The following CSMD1 variants were observed in gnomAD, a reference collection of about 807,000 sequenced individuals.
The protein encoded by CSMD1 is CUB and sushi domain-containing protein 1.
A neutral mutation model predicts 417.5 loss-of-function variants in CSMD1; 213 were observed. The observed-to-expected ratio is 0.51, with a 90% confidence interval of 0.46 to 0.57. The LOEUF (loss-of-function observed/expected upper bound fraction) is 0.57, where lower values mean the gene tolerates loss of function less well. Among genes scored for constraint, CSMD1 ranks in the 20% least tolerant of loss-of-function variants. The probability of loss-of-function intolerance (pLI) is 0.00; values close to 1 mark genes in which losing one functional copy is unlikely to be tolerated. For synonymous variants in CSMD1, 2,862 were observed against 1,736.8 expected (o/e 1.65, Z -16.11); for missense variants, 6,923 against 4,529.7 (o/e 1.53, Z -15.17).
chr8:3,991,574 A>G (rs1479331365), intron 5 of CSMD1, among the ~76,000 whole-genome samples: 3 of 152,214 alleles, frequency 2.0e-5, no homozygotes, highest in African/African-American at 7.2e-5. Flanking sequence ...AGAAACACGT[A>G]AGAGTAGCTA....
intron 1 of CSMD1, among the ~76,000 whole-genome samples, chr8:4,704,838 G>A (rs1807816596): frequency 6.6e-6 from 1 of 152,124 alleles, no homozygotes; most frequent in South Asian, 2.1e-4. Context: ...GCATCTCTAT[G>A]CTGATGGGGC....
intron 10 of CSMD1, among the ~76,000 whole-genome samples, chr8:3,533,481 G>C (rs924955226): frequency 1.3e-5 from 2 of 152,242 alleles, no homozygotes; most frequent in Admixed American, 6.5e-5. Context: ...GAATCATGAA[G>C]TATTTGTCCT....
chr8:3,299,775 A>G (rs1804250366), intron 25 of CSMD1, among the ~76,000 whole-genome samples: 1 of 152,168 alleles, frequency 6.6e-6, no homozygotes, highest in Non-Finnish European at 1.5e-5. Flanking sequence ...AAAGGTATAA[A>G]CAGATATAAC....
intron 3 of CSMD1, among the ~76,000 whole-genome samples, chr8:4,056,418 TG>T (rs1382052298): frequency 4.6e-5 from 7 of 151,966 alleles, no homozygotes; most frequent in Admixed American, 3.9e-4. Flanking sequence ...CTTTTTTTTT[TG>T]TTTGTGCCAA....
At chr8:4,374,139 A>T (rs971469179) in intron 3 of CSMD1, among the ~76,000 whole-genome samples, 3 of 152,052 alleles carry the variant, frequency 2.0e-5, no homozygotes, top group Middle Eastern at 3.2e-3. Context: ...CATCAGCTGG[A>T]TAAGTACGTC....
At chr8:4,057,293 G>A (rs1427994166) in intron 3 of CSMD1, among the ~76,000 whole-genome samples, 1 of 152,176 alleles carries the variant, frequency 6.6e-6, no homozygotes. Flanking sequence ...GTGATGGTGA[G>A]CATTTTTTCA....
intron 7 of CSMD1, among the ~76,000 whole-genome samples, chr8:3,656,955 C>A (rs1793137935): frequency 6.6e-6 from 1 of 151,348 alleles, no homozygotes; most frequent in Non-Finnish European, 1.5e-5. Flanking sequence ...AAATCAGAGA[C>A]TCACTTTGCA....
chr8:3,284,131 C>G lies in CSMD1; in HGVS notation c.4153+13G>C. 1.9e-6 allele frequency: 3 copies of G among 1,549,718 alleles called. No homozygotes were observed. The highest frequency in any genetic ancestry group is 2.6e-6 in the Non-Finnish European group (3 of 1,144,272). On this transcript the variant is annotated intron_variant, in intron 26 of 69. Coordinates refer to ENST00000635120, the MANE Select transcript of CSMD1 (RefSeq NM_033225.6). Reference sequence around the variant, plus strand: ...GATATCAAGGTAAAGAAGAAGCACGCTGTGCCACCTACTGGAGAACTGGAT... The same window carrying G: ...GATATCAAGGTAAAGAAGAAGCACGGTGTGCCACCTACTGGAGAACTGGAT...
intron 5 of CSMD1, among the ~76,000 whole-genome samples, chr8:3,949,434 C>G (rs1811454866): frequency 1.3e-5 from 2 of 152,088 alleles, no homozygotes; most frequent in South Asian, 4.1e-4. Flanking sequence ...TATATAGAAG[C>G]TCTAACAATT....
At chr8:4,374,493 G>A (rs1802593001) in intron 3 of CSMD1, among the ~76,000 whole-genome samples, 4 of 152,128 alleles carry the variant, frequency 2.6e-5, no homozygotes, top group Admixed American at 2.6e-4. Context: ...ACTGGCAGGA[G>A]TGAGGAGAGA....
chr8:4,240,096 C>A (rs561099989), intron 3 of CSMD1, among the ~76,000 whole-genome samples: 1 of 152,266 alleles, frequency 6.6e-6, no homozygotes. Flanking sequence ...TTCTTAAATA[C>A]TAAACCAAAT....
intron 8 of CSMD1, among the ~76,000 whole-genome samples, chr8:3,595,623 G>C (rs914734238): frequency 6.6e-6 from 1 of 152,138 alleles, no homozygotes. Context: ...GCAACAGTAA[G>C]CTTGGAGTGA....
chr8:3,640,460 C>G (rs961609846), intron 7 of CSMD1, among the ~76,000 whole-genome samples: 1 of 152,178 alleles, frequency 6.6e-6, no homozygotes, highest in Admixed American at 6.5e-5. Context: ...TTCCTCAACT[C>G]TGGAAATAGT....
intron 2 of CSMD1, among the ~76,000 whole-genome samples, chr8:4,467,127 A>C (rs1800223685): frequency 6.7e-6 from 1 of 150,010 alleles, no homozygotes; most frequent in Admixed American, 6.6e-5. Flanking sequence ...CAGAGTAAAA[A>C]AAAAAAAAAA....
chr8:4,114,831 G>A (rs1349736963), intron 3 of CSMD1, among the ~76,000 whole-genome samples: 1 of 152,142 alleles, frequency 6.6e-6, no homozygotes, highest in Non-Finnish European at 1.5e-5. Context: ...TAGAAGGGGA[G>A]GCTGAAGACG....
At chr8:4,456,627 A>T (rs1799504771) in intron 2 of CSMD1, among the ~76,000 whole-genome samples, 2 of 152,242 alleles carry the variant, frequency 1.3e-5, no homozygotes, top group South Asian at 4.1e-4. Flanking sequence ...TATTAAACAT[A>T]TTTAATCATC....
chr8:4,280,314 G>C (rs764273778), intron 3 of CSMD1, among the ~76,000 whole-genome samples: 4 of 152,262 alleles, frequency 2.6e-5, no homozygotes, highest in Non-Finnish European at 4.4e-5. Flanking sequence ...CTTTGAAAGA[G>C]AGTGGATATG....
intron 7 of CSMD1, among the ~76,000 whole-genome samples, chr8:3,624,399 A>C (rs765401078): frequency 1.3e-5 from 2 of 152,228 alleles, no homozygotes; most frequent in Non-Finnish European, 2.9e-5. Flanking sequence ...TTAAACGTTG[A>C]TTTATATTTG....
At chr8:3,708,208 G>C (rs13250019) in intron 7 of CSMD1, among the ~76,000 whole-genome samples, 135,536 of 152,138 alleles carry the variant, frequency 0.89, 60,846 homozygotes, top group East Asian at 0.99. Flanking sequence ...GTGACACATG[G>C]TTAGGAGTTA....
Sources: gnomAD v4.1 joint callset for allele counts (sites outside exome capture counted in the v4.1 genomes callset) on GRCh38, gnomAD v4.1.1 for gene constraint, MANE v1.5 for transcripts, NCBI Gene and HGNC (gene_info 2026-07-23, HGNC 2026-07-21) for gene names.